Variants in DPP6 observed in about 807,000 individuals in gnomAD.
The protein encoded by DPP6 is dipeptidyl peptidase like 6, also known as A-type potassium channel modulatory protein DPP6.
DPP6 carries 69 observed loss-of-function variants against 122.6 expected under a neutral mutation model. That is an observed-to-expected ratio of 0.56 (90% CI 0.46 to 0.69). The LOEUF (loss-of-function observed/expected upper bound fraction) is 0.69, where lower values mean the gene tolerates loss of function less well. Among genes scored for constraint, DPP6 ranks in the 30% least tolerant of loss-of-function variants. The pLI is 0.00. For missense variants in DPP6, 928 were observed against 1,116.9 expected (o/e 0.83, Z 2.41); for synonymous variants, 418 against 433.1 (o/e 0.97, Z 0.43).
Position 154,291,746 on chromosome 7 carries a change from C to G in DPP6, c.244-154468C>G, listed in dbSNP as rs370229264. ...GTTTGGTCAGGCCACAAACCCCGGT[C>G]CAATTGACCATGTTTTACCATATTC... On this transcript the variant is annotated intron_variant, in intron 1 of 25. Transcript: ENST00000377770. Among the ~76,000 whole-genome samples, 25 of 152,328 alleles carry G rather than the reference C, an allele frequency of 1.6e-4. No individual in the cohort carries two copies. The East Asian group carries it at 3.5e-3, about 21-fold the overall frequency.
intron 17 of DPP6, among the ~76,000 whole-genome samples, chr7:154,859,535 T>TC (rs1220063727): frequency 6.6e-6 from 1 of 152,248 alleles, no homozygotes; most frequent in Non-Finnish European, 1.5e-5. Flanking sequence ...GAATTCTTTG[T>TC]CCTTTCCCCT....
At chr7:154,456,342 A>G (rs1167407121) in intron 2 of DPP6, among the ~76,000 whole-genome samples, 2 of 152,228 alleles carry the variant, frequency 1.3e-5, no homozygotes, top group Non-Finnish European at 2.9e-5. Context: ...TGTGCATTTA[A>G]GTATGGTATT....
At chr7:154,449,499 G>T (rs77207147) in intron 2 of DPP6, among the ~76,000 whole-genome samples, 2 of 151,998 alleles carry the variant, frequency 1.3e-5, no homozygotes, top group Admixed American at 1.3e-4. Flanking sequence ...AAGATAAATT[G>T]TGTGGCCTCT....
intron 8 of DPP6, among the ~76,000 whole-genome samples, chr7:154,748,416 G>A (rs1007518049): frequency 5.9e-5 from 9 of 152,218 alleles, no homozygotes; most frequent in East Asian, 3.8e-4. Context: ...CCCATCCTCC[G>A]TTCTCTCCTG....
chr7:154,104,971 TC>T (rs1806045895), intron 1 of DPP6, among the ~76,000 whole-genome samples: 1 of 152,022 alleles, frequency 6.6e-6, no homozygotes, highest in Admixed American at 6.5e-5. Flanking sequence ...CAGTGTAAGA[TC>T]AGGTTTGAGG....
Position 154,863,267 on chromosome 7 carries a change from G to A in DPP6, c.1715-4728G>A, listed in dbSNP as rs1005692408. ...TCTGTTGATCACTGCATGTATATGT[G>A]GAGGGAAGGACAATATGATTTTAAG... On this transcript the variant is annotated intron_variant, in intron 17 of 25. Coordinates refer to ENST00000377770, the MANE Select transcript of DPP6 (RefSeq NM_130797.4). This position sits in a 1 kb window ranked among gnomAD's most constrained non-coding sequence, Gnocchi z 4.1. 1.3e-5 allele frequency among the ~76,000 whole-genome samples: 2 copies of A among 151,770 alleles called. No individual in the cohort carries two copies. The highest frequency in any genetic ancestry group is 6.6e-5 in the Admixed American group (1 of 15,260).
intron 1 of DPP6, among the ~76,000 whole-genome samples, chr7:153,958,349 C>G (rs1366962338): frequency 6.6e-6 from 1 of 152,102 alleles, no homozygotes; most frequent in South Asian, 2.1e-4. Context: ...TTGCCTCATT[C>G]CCTCCACCCG....
chr7:154,187,654 C>T (rs867458595), intron 1 of DPP6, among the ~76,000 whole-genome samples: 47 of 152,068 alleles, frequency 3.1e-4, no homozygotes, highest in African/African-American at 9.7e-4. Flanking sequence ...GTGATAGAAC[C>T]GAGCAATGAA....
At chr7:153,778,637 T>C in the DPP6 span, among the ~76,000 whole-genome samples, 1 of 151,780 alleles carries the variant, frequency 6.6e-6, no homozygotes, top group African/African-American at 2.4e-5. Context: ...CACCTCAAAA[T>C]ATACCCTTGT....
chr7:153,843,041 T>C, the DPP6 span, among the ~76,000 whole-genome samples: 3 of 151,606 alleles, frequency 2.0e-5, no homozygotes, highest in Non-Finnish European at 2.9e-5. Flanking sequence ...CACACATGCA[T>C]ACACACATGA....
Position 154,892,477 on chromosome 7 carries a change from C to T in DPP6, c.2595C>T (p.Asp865=). The stretch of plus-strand genomic sequence containing the variant: ...CAGCGAAAGAGGACGAGGAGGAGGA[C>T]TAAGCTCAGGTCGCTCTAAGCACAA... ...TVTAKEDEEE[D] Residue 865 remains aspartate (D), a synonymous_variant, in exon 26 of 26, where the codon GAC becomes GAT. Coordinates refer to ENST00000377770, the MANE Select transcript of DPP6 (RefSeq NM_130797.4). The T allele has an allele frequency of 1.2e-6, 2 of 1,612,990 alleles. No homozygotes were observed. Among genetic ancestry groups the T allele is most frequent in the Non-Finnish European group, 1.7e-6 (2 of 1,179,228 alleles).
At chr7:154,082,608 A>T (rs1403081140) in intron 1 of DPP6, among the ~76,000 whole-genome samples, 1 of 151,650 alleles carries the variant, frequency 6.6e-6, no homozygotes, top group Non-Finnish European at 1.5e-5. Flanking sequence ...ACTAAGCATT[A>T]GTTGCCATTC....
intron 1 of DPP6, among the ~76,000 whole-genome samples, chr7:154,222,365 C>G (rs1019832599): frequency 2.0e-5 from 3 of 152,130 alleles, no homozygotes; most frequent in African/African-American, 7.2e-5. Flanking sequence ...TGAAAATAAT[C>G]TGCTTTGTAG....
chr7:153,957,196 G>T (rs1016251783), intron 1 of DPP6, among the ~76,000 whole-genome samples: 1 of 152,214 alleles, frequency 6.6e-6, no homozygotes, highest in Non-Finnish European at 1.5e-5. Context: ...AATGGCATGG[G>T]TGTGGGGTTC....
intron 1 of DPP6, among the ~76,000 whole-genome samples, chr7:153,949,988 T>G (rs1490701278): frequency 6.6e-6 from 1 of 152,198 alleles, no homozygotes; most frequent in East Asian, 1.9e-4. Flanking sequence ...TCTAATGTTT[T>G]CCTAGCTTGA....
At chr7:153,889,958 C>T (rs114405666) in intron 1 of DPP6, among the ~76,000 whole-genome samples, 2,330 of 152,298 alleles carry the variant, frequency 0.015, 36 homozygotes, top group Middle Eastern at 0.045. Flanking sequence ...GTTGAGTGAT[C>T]ATTTAGGACT....
Position 154,713,166 on chromosome 7 carries a change from G to A in DPP6, c.763-14601G>A, listed in dbSNP as rs140045111. Among the ~76,000 whole-genome samples, 798 of 152,358 alleles carry A rather than the reference G, an allele frequency of 5.2e-3. 8 individuals carry two copies. The highest frequency in any genetic ancestry group is 9.3e-3 in the Non-Finnish European group (634 of 68,034). On this transcript the variant is annotated intron_variant, in intron 7 of 25. Transcript: ENST00000377770. Reference sequence around the variant, plus strand: ...AAAATGTGTTTCACGTCTAGGTCATGCTGATGCAACAAGTGAGCGCCCATG... The same window carrying A: ...AAAATGTGTTTCACGTCTAGGTCATACTGATGCAACAAGTGAGCGCCCATG...
At chr7:154,181,724 T>G (rs551876732) in intron 1 of DPP6, among the ~76,000 whole-genome samples, 1 of 152,010 alleles carries the variant, frequency 6.6e-6, no homozygotes, top group South Asian at 2.1e-4. Flanking sequence ...TGAGGTGTGG[T>G]GCACTCATGA....
intron 8 of DPP6, among the ~76,000 whole-genome samples, chr7:154,748,077 G>C (rs113847182): frequency 0.012 from 1,849 of 152,270 alleles, 36 homozygotes; most frequent in African/African-American, 0.041. Context: ...GGAGACACTC[G>C]GAACTCAACA....
Sources: gnomAD v4.1 joint callset for allele counts (sites outside exome capture counted in the v4.1 genomes callset) on GRCh38, gnomAD v4.1.1 for gene constraint, Gnocchi (gnomAD v3.1) non-coding constraint, MANE v1.5 for transcripts, NCBI Gene and HGNC (gene_info 2026-07-23, HGNC 2026-07-21) for gene names.